Variants in CCDC150 observed in about 807,000 individuals in gnomAD.
CCDC150 encodes the protein coiled-coil domain containing 150.
Under a neutral mutation model 156.5 loss-of-function variants are expected in CCDC150, and 151 were observed. The ratio of observed to expected loss-of-function variants is 0.97; its 90% confidence interval spans 0.85 to 1.10. The LOEUF (loss-of-function observed/expected upper bound fraction) is 1.10, where lower values mean the gene tolerates loss of function less well. CCDC150 is among the 50% of genes least tolerant of loss of function. CCDC150 has a pLI of 0.00. For synonymous variants in CCDC150, 452 were observed against 429.4 expected (o/e 1.05, Z -0.65); for missense variants, 1,312 against 1,268.1 (o/e 1.03, Z -0.53).
At position 196,704,954 on chromosome 2, in the gene CCDC150, A is replaced by G. The variant is rs182210343; in HGVS notation, c.1695+3774A>G. Among the ~76,000 whole-genome samples the G allele has an allele frequency of 2.0e-3, 305 of 152,272 alleles. 2 individuals carry two copies. Among genetic ancestry groups the G allele is most frequent in the African/African-American group, 6.6e-3 (274 of 41,548 alleles). ...ATTTTCTTAATCCAGTCTATCATCTATGAACATTTTGGGTTGGTTCCAAGT... is the reference window on the plus strand; with the variant it reads ...ATTTTCTTAATCCAGTCTATCATCTGTGAACATTTTGGGTTGGTTCCAAGT... On this transcript the variant is annotated intron_variant, in intron 15 of 27. Transcript: ENST00000389175.
chr2:196,651,138 A>G lies in CCDC150; in HGVS notation c.176+4634A>G, dbSNP rs552821041. Among the ~76,000 whole-genome samples the G allele has an allele frequency of 1.4e-3, 211 of 152,280 alleles. 1 individual carries two copies. Among genetic ancestry groups the G allele is most frequent in the African/African-American group, 4.6e-3 (191 of 41,532 alleles). The stretch of plus-strand genomic sequence containing the variant: ...AGTAGGCTATTTTAAGGTGATAACA[A>G]TTTAATTTTTACTGCATGGCTGAAC... On this transcript the variant is annotated intron_variant, in intron 2 of 27. Transcript: ENST00000389175.
intron 9 of CCDC150, 59 bp from the exon 10 acceptor site, chr2:196,674,182 A>G (rs552847058): frequency 2.0e-6 from 2 of 999,078 alleles, no homozygotes; most frequent in African/African-American, 3.3e-5. Context: ...ATAATAATAC[A>G]TAAGTAAAAA....
chr2:196,713,543 A>T, intron 17 of CCDC150: 3 of 1,550,506 alleles, frequency 1.9e-6, no homozygotes, highest in Non-Finnish European at 2.6e-6. Context: ...ATCTCAGGAT[A>T]TTGGAGACTC....
chr2:196,722,495 CA>C (rs1697981906), intron 21 of CCDC150, among the ~76,000 whole-genome samples: 1 of 151,392 alleles, frequency 6.6e-6, no homozygotes, highest in Non-Finnish European at 1.5e-5. Context: ...AGGGTGGTCT[CA>C]AAACTCCTGG....
chr2:196,674,327 TG>T lies in CCDC150; in HGVS notation c.1117del (p.Asp373ThrfsTer8). 1 of 1,601,366 alleles carries T rather than the reference TG, an allele frequency of 6.2e-7. No individual in the cohort carries two copies. The highest frequency in any genetic ancestry group is 8.5e-7 in the Non-Finnish European group (1 of 1,173,366). On this transcript the variant is annotated frameshift_variant, in exon 10 of 28. Coordinates refer to ENST00000389175, the MANE Select transcript of CCDC150 (RefSeq NM_001080539.2). LOFTEE classifies it high-confidence loss of function. ...CTATGGAAAAAGCCAGAATCATTGC[TG>T]ACCATCAGGCCATTCTGCAGGTATT... ...VTMEKARIIA[D>X]HQAILQVEQK...
Position 196,721,353 on chromosome 2 carries a change from C to CAT in CCDC150, c.2260-154_2260-153dup, listed in dbSNP as rs1199770615. ...GAGTTCTCATTCATATATGTGTGTG[C>CAT]ATATATATATATATATTTTCCAGGC... On this transcript the variant is annotated intron_variant, in intron 20 of 27. Coordinates refer to ENST00000389175, the MANE Select transcript of CCDC150 (RefSeq NM_001080539.2). Among the ~76,000 whole-genome samples the CAT allele has an allele frequency of 6.4e-3, 846 of 133,094 alleles. 180 individuals carry two copies. Among genetic ancestry groups the CAT allele is most frequent in the African/African-American group, 0.021 (791 of 37,472 alleles). The allele number at this position is 133,094 out of a possible 152,430, so 87.3% of individuals were successfully genotyped here.
chr2:196,677,115 G>A (rs1694552312), intron 12 of CCDC150, 178 bp from the exon 13 acceptor site: 1 of 705,364 alleles, frequency 1.4e-6, no homozygotes, highest in African/African-American at 1.8e-5. Flanking sequence ...CTAATTTCAG[G>A]GCTATTTGTG....
chr2:196,710,099 C>T (rs1696994242), intron 15 of CCDC150, among the ~76,000 whole-genome samples: 1 of 152,264 alleles, frequency 6.6e-6, no homozygotes, highest in African/African-American at 2.4e-5. Flanking sequence ...TTTTGTTCAG[C>T]TATGCCCTGC....
intron 7 of CCDC150, among the ~76,000 whole-genome samples, chr2:196,668,701 TCAA>T (rs1281067220): frequency 6.6e-6 from 1 of 152,230 alleles, no homozygotes; most frequent in African/African-American, 2.4e-5. Context: ...TAATTGTTTA[TCAA>T]CAATAAGCAT....
At chr2:196,680,497 T>C (rs1007701976) in intron 13 of CCDC150, among the ~76,000 whole-genome samples, 12 of 152,088 alleles carry the variant, frequency 7.9e-5, no homozygotes, top group African/African-American at 1.4e-4. Context: ...AGACGGAGTT[T>C]TGTTATGTTG....
At chr2:196,666,402 A>G (rs1693841607) in intron 6 of CCDC150, among the ~76,000 whole-genome samples, 1 of 152,246 alleles carries the variant, frequency 6.6e-6, no homozygotes, top group Non-Finnish European at 1.5e-5. Flanking sequence ...TTGCAATGCC[A>G]ATATGGTAGC....
intron 13 of CCDC150, 98 bp from the exon 14 acceptor site, chr2:196,694,948 A>G: frequency 1.6e-6 from 1 of 641,230 alleles, no homozygotes; most frequent in South Asian, 2.1e-5. Context: ...TATGGACAAT[A>G]CTGTCCATTT....
chr2:196,677,191 G>C, intron 12 of CCDC150, 102 bp from the exon 13 acceptor site: 1 of 776,468 alleles, frequency 1.3e-6, no homozygotes, highest in Non-Finnish European at 2.3e-6. Context: ...TATCTCTGCA[G>C]TGTAGGTATT....
chr2:196,668,086 C>T (rs1693958700), intron 7 of CCDC150, among the ~76,000 whole-genome samples: 1 of 152,132 alleles, frequency 6.6e-6, no homozygotes, highest in African/African-American at 2.4e-5. Flanking sequence ...ATCATGAGGT[C>T]AGGAGATTGA....
intron 13 of CCDC150, among the ~76,000 whole-genome samples, chr2:196,689,108 G>C (rs1448893390): frequency 0.017 from 2,514 of 151,458 alleles, 44 homozygotes; most frequent in African/African-American, 0.04. Context: ...ATCTATATCT[G>C]TGTTTTGGTA....
chr2:196,680,079 T>G (rs1447903583), intron 13 of CCDC150, among the ~76,000 whole-genome samples: 1 of 152,152 alleles, frequency 6.6e-6, no homozygotes, highest in Non-Finnish European at 1.5e-5. Context: ...TTATGACTTT[T>G]TTCATTTTCT....
chr2:196,728,087 AG>A (rs1318397148), intron 22 of CCDC150: 1 of 151,938 alleles, frequency 6.6e-6, no homozygotes, highest in Non-Finnish European at 1.5e-5. Flanking sequence ...AGTGGAGAAC[AG>A]TGAGAGAGTG....
At chr2:196,719,199 C>T (rs1697725795) in intron 18 of CCDC150, 1 of 214,742 alleles carries the variant, frequency 4.7e-6, no homozygotes, top group South Asian at 1.6e-4. Flanking sequence ...CAGCCTGGCG[C>T]CACCTCTGGA....
chr2:196,714,134 G>A (rs1165459570), intron 17 of CCDC150, among the ~76,000 whole-genome samples: 2 of 152,122 alleles, frequency 1.3e-5, no homozygotes, highest in African/African-American at 2.4e-5. Flanking sequence ...TACTATTACC[G>A]GAAGGAGGGC....
Sources: gnomAD v4.1 joint callset for allele counts (sites outside exome capture counted in the v4.1 genomes callset) on GRCh38, gnomAD v4.1.1 for gene constraint, MANE v1.5 for transcripts, NCBI Gene and HGNC (gene_info 2026-07-23, HGNC 2026-07-21) for gene names.